The following FHAD1 variants were observed in gnomAD, a reference collection of about 807,000 sequenced individuals.
The protein encoded by FHAD1 is forkhead associated phosphopeptide binding domain 1.
A neutral mutation model predicts 191.3 loss-of-function variants in FHAD1; 146 were observed. The ratio of observed to expected loss-of-function variants is 0.76; its 90% CI spans 0.67 to 0.88. The LOEUF is 0.88. FHAD1 is among the 40% of genes least tolerant of loss of function. The pLI is 0.00. For missense variants in FHAD1, 1,635 were observed against 1,785.8 expected (o/e 0.92, Z 1.52); for synonymous variants, 616 against 672.3 (o/e 0.92, Z 1.29).
intron 15 of FHAD1, 118 bp from the exon 16 acceptor site, chr1:15,341,618 G>C (rs1686712057): frequency 1.2e-6 from 1 of 815,654 alleles, no homozygotes; most frequent in Non-Finnish European, 1.9e-6. Context: ...GTGATTTTAA[G>C]AAACTTTTGG....
chr1:15,237,605 T>G (rs992346288), intron 1 of FHAD1, among the ~76,000 whole-genome samples: 1 of 152,050 alleles, frequency 6.6e-6, no homozygotes, highest in Non-Finnish European at 1.5e-5. Context: ...AACATTACTG[T>G]CCCCCTTGTT....
rs1317315579 is a variant in FHAD1, at chr1:15,317,883, T to C, written c.1320T>C (p.Cys440=). The part of the protein sequence containing the change: ...KKLRAELRKS[C]TEQSVISRTL... ...TTAGGGCAGAGCTGAGGAAGAGTTGTACTGAACAAAGCGTGATCTCTAGGA... is the reference window on the plus strand; with the variant it reads ...TTAGGGCAGAGCTGAGGAAGAGTTGCACTGAACAAAGCGTGATCTCTAGGA... The change falls in exon 10 of 34, where the codon TGT becomes TGC. Residue 440 remains cysteine, a synonymous_variant. Coordinates refer to ENST00000688493, the MANE Select transcript of FHAD1 (RefSeq NM_001391957.1). 1 of 1,551,762 alleles carries C rather than the reference T, an allele frequency of 6.4e-7. No homozygotes were observed. The highest frequency in any genetic ancestry group is 2.0e-5 in the Admixed American group (1 of 51,012).
chr1:15,308,300 A>G (rs7550951), intron 6 of FHAD1, among the ~76,000 whole-genome samples: 30,499 of 152,160 alleles, frequency 0.2, 6,507 homozygotes, highest in African/African-American at 0.54. Context: ...CCAACAGGTG[A>G]TCTGTTTATG....
chr1:15,318,745 C>T lies in FHAD1; in HGVS notation c.1365+817C>T, dbSNP rs528508063. On this transcript the variant is annotated intron_variant, in intron 10 of 33. Transcript: ENST00000688493. The surrounding 1 kb of genome is among the most constrained non-coding windows in gnomAD (Gnocchi z 4.1). ...TGTAGCTGGTGGCTGCTGCACTGGA[C>T]AGCACAGATATGGAAATTTCCATCA... Among the ~76,000 whole-genome samples the T allele has an allele frequency of 6.6e-6, 1 of 152,314 alleles. No homozygotes were observed. Among genetic ancestry groups the T allele is most frequent in the South Asian group, 2.1e-4 (1 of 4,826 alleles).
intron 18 of FHAD1, among the ~76,000 whole-genome samples, chr1:15,347,561 T>C (rs1023455842): frequency 6.6e-6 from 1 of 152,238 alleles, no homozygotes; most frequent in Non-Finnish European, 1.5e-5. Context: ...ACGATTCTCA[T>C]GCCTCAGCCT....
intron 3 of FHAD1, among the ~76,000 whole-genome samples, chr1:15,284,478 C>CAAAAAA (rs34856227): frequency 5.1e-5 from 6 of 118,658 alleles, no homozygotes; most frequent in African/African-American, 1.3e-4. Flanking sequence ...GACTCCATCT[C>CAAAAAA]AAAAAAAAAA....
chr1:15,305,765 G>A, intron 6 of FHAD1: 1 of 449,264 alleles, frequency 2.2e-6, no homozygotes, highest in Non-Finnish European at 4.5e-6. Flanking sequence ...CGCCATGTAA[G>A]AAGTGCTTTT....
At chr1:15,317,956 G>T in intron 10 of FHAD1, 28 bp downstream of exon 10, 1 of 1,435,782 alleles carries the variant, frequency 7.0e-7, no homozygotes, top group South Asian at 1.2e-5. Context: ...GGCCCAGAGA[G>T]TGGTGTGGGC....
At chr1:15,301,539 C>T (rs1244596022) in intron 6 of FHAD1, 98 bp downstream of exon 6, 12 of 977,506 alleles carry the variant, frequency 1.2e-5, no homozygotes, top group Middle Eastern at 3.1e-4. Flanking sequence ...TTAGGGAACG[C>T]GTGGTCAGTG....
At chr1:15,292,798 T>C (rs1051745074) in intron 4 of FHAD1, among the ~76,000 whole-genome samples, 2 of 151,996 alleles carry the variant, frequency 1.3e-5, no homozygotes, top group African/African-American at 4.8e-5. Flanking sequence ...CCTCTAAAAC[T>C]TGAAAAAATA....
chr1:15,357,341 T>C (rs956902370), intron 20 of FHAD1, among the ~76,000 whole-genome samples: 1 of 152,098 alleles, frequency 6.6e-6, no homozygotes. Flanking sequence ...ATCAAAAGAA[T>C]GGGGCCAGGC....
chr1:15,349,429 C>T (rs1026078631), intron 19 of FHAD1, among the ~76,000 whole-genome samples: 18 of 152,300 alleles, frequency 1.2e-4, no homozygotes, highest in Admixed American at 5.2e-4. Flanking sequence ...AGAGGGCCCT[C>T]GGGAAGATTT....
chr1:15,270,570 A>G (rs544815721), intron 2 of FHAD1, among the ~76,000 whole-genome samples: 1 of 152,372 alleles, frequency 6.6e-6, no homozygotes, highest in South Asian at 2.1e-4. Context: ...TCTAGTATAC[A>G]TATTAATATA....
chr1:15,361,491 A>G (rs1477825383), intron 22 of FHAD1, among the ~76,000 whole-genome samples: 1 of 151,308 alleles, frequency 6.6e-6, no homozygotes, highest in African/African-American at 2.4e-5. Context: ...ATCAGGACTT[A>G]CCTCATTCAT....
intron 1 of FHAD1, among the ~76,000 whole-genome samples, chr1:15,250,125 A>G (rs946610765): frequency 6.6e-6 from 1 of 152,266 alleles, no homozygotes; most frequent in East Asian, 1.9e-4. Flanking sequence ...TTTTGTTTTT[A>G]CCCATAGTCC....
rs577824017 is a variant in FHAD1, at chr1:15,308,802, C to T, written c.1039+66C>T. 1.2e-4 allele frequency: 178 copies of T among 1,544,598 alleles called. No individual in the cohort carries two copies. In the African/African-American group the frequency reaches 2.2e-3, roughly 19 times the overall value. On this transcript the variant is annotated intron_variant, in intron 7 of 33. Coordinates refer to ENST00000688493, the MANE Select transcript of FHAD1 (RefSeq NM_001391957.1). ...ACCCGTTGTTCTTGGCCACAGCAGA[C>T]ATCACCAATCAACCACATACTTTTT...
intron 6 of FHAD1, among the ~76,000 whole-genome samples, chr1:15,304,989 T>C (rs547027805): frequency 2.6e-5 from 4 of 151,694 alleles, no homozygotes; most frequent in African/African-American, 4.9e-5. Flanking sequence ...TCATATCTTA[T>C]GATATGCCTG....
At chr1:15,389,602 T>G (rs112093479) in intron 32 of FHAD1, among the ~76,000 whole-genome samples, 1 of 152,056 alleles carries the variant, frequency 6.6e-6, no homozygotes, top group Non-Finnish European at 1.5e-5. Flanking sequence ...GCTCCAGGCC[T>G]TCTAGAGGGC....
chr1:15,291,583 C>A (rs1373516707), intron 4 of FHAD1, among the ~76,000 whole-genome samples: 1 of 152,068 alleles, frequency 6.6e-6, no homozygotes, highest in Non-Finnish European at 1.5e-5. Context: ...TATTAGTTAC[C>A]AATTTATAAC....
Sources: allele counts gnomAD v4.1 joint callset (sites outside exome capture counted in the v4.1 genomes callset), GRCh38; gene constraint gnomAD v4.1.1; non-coding constraint Gnocchi (gnomAD v3.1); transcripts MANE v1.5; gene names NCBI Gene and HGNC (gene_info 2026-07-23, HGNC 2026-07-21).